The following RUVBL2 variants were observed in gnomAD, a reference collection of about 807,000 sequenced individuals.
The protein encoded by RUVBL2 is ruvB-like 2.
In RUVBL2, 9 loss-of-function variants were observed where a neutral mutation model predicts 57.9. The observed-to-expected ratio is 0.16, with a 90% CI of 0.09 to 0.27. The LOEUF (loss-of-function observed/expected upper bound fraction) is 0.27. Ranked by LOEUF, RUVBL2 falls within the 10% of genes least tolerant of loss-of-function variation. The pLI, the probability that RUVBL2 is intolerant of heterozygous loss-of-function variation, is 1.00. For synonymous variants in RUVBL2, 278 were observed against 264.6 expected (o/e 1.05, Z -0.49); for missense variants, 456 against 669.6 (o/e 0.68, Z 3.52).
chr19:49,009,917 G>C, intron 7 of RUVBL2, 35 bp downstream of exon 7: 1 of 1,613,044 alleles, frequency 6.2e-7, no homozygotes, highest in African/African-American at 1.3e-5. Flanking sequence ...GCAGCCAGGG[G>C]GATGGGCGAG....
At chr19:49,005,883 C>T (rs997756237) in intron 4 of RUVBL2, among the ~76,000 whole-genome samples, 1 of 152,150 alleles carries the variant, frequency 6.6e-6, no homozygotes, top group Non-Finnish European at 1.5e-5. Flanking sequence ...TGATCCACCC[C>T]CCTGCCTCGG....
At chr19:49,012,653 A>G (rs2039451618) in intron 11 of RUVBL2, among the ~76,000 whole-genome samples, 3 of 152,148 alleles carry the variant, frequency 2.0e-5, no homozygotes, top group Admixed American at 1.3e-4. Flanking sequence ...CCTGACACCC[A>G]CTTTCCCAGC....
intron 1 of RUVBL2, among the ~76,000 whole-genome samples, chr19:48,998,567 A>G (rs1030527686): frequency 6.6e-6 from 1 of 151,336 alleles, no homozygotes; most frequent in South Asian, 2.1e-4. Context: ...AAATTAGCCA[A>G]GTGTGGTGGT....
At chr19:49,009,658 AT>A in intron 6 of RUVBL2, 117 bp from the exon 7 acceptor site, 1 of 858,292 alleles carries the variant, frequency 1.2e-6, no homozygotes. Context: ...TGTTGTGCCC[AT>A]TTTGAAGCTG....
chr19:48,997,925 C>G (rs12610125), intron 1 of RUVBL2, among the ~76,000 whole-genome samples: 3 of 152,080 alleles, frequency 2.0e-5, no homozygotes, highest in Non-Finnish European at 4.4e-5. Context: ...ACATGGGAAG[C>G]CTCGGTATAT....
chr19:49,000,034 G>A (rs1009877409), intron 2 of RUVBL2, among the ~76,000 whole-genome samples: 7 of 152,146 alleles, frequency 4.6e-5, no homozygotes, highest in Admixed American at 2.0e-4. Flanking sequence ...AGGCAGTAAG[G>A]GCTTCTGGCT....
chr19:49,015,348 G>A (rs1478439695), intron 13 of RUVBL2, 198 bp downstream of exon 13: 1 of 742,966 alleles, frequency 1.3e-6, no homozygotes, highest in Non-Finnish European at 2.2e-6. Context: ...TTAAGTAGAT[G>A]CTGTTAGGTC....
chr19:49,005,474 G>A (rs1056235991), intron 4 of RUVBL2, among the ~76,000 whole-genome samples: 5 of 152,142 alleles, frequency 3.3e-5, no homozygotes, highest in African/African-American at 1.2e-4. Flanking sequence ...GGCATGTGGT[G>A]GCATTTGTTG....
At chr19:49,000,273 C>T (rs2039152309) in intron 2 of RUVBL2, among the ~76,000 whole-genome samples, 2 of 152,226 alleles carry the variant, frequency 1.3e-5, no homozygotes, top group African/African-American at 4.8e-5. Flanking sequence ...AGTGCTGGGG[C>T]ACTGGGTGCA....
rs2039541099 is a variant in RUVBL2 at position 49,015,889 on chromosome 19, G to A, written c.*47G>A. On this transcript the variant is annotated 3_prime_UTR_variant, in exon 15 of 15. Coordinates refer to ENST00000595090, the MANE Select transcript of RUVBL2 (RefSeq NM_006666.3). ...CCACCCTGTTTTCCACCAGAGTTCTGACACTGTGACTCTGTATAAAATGGT... is the reference window on the plus strand; with the variant it reads ...CCACCCTGTTTTCCACCAGAGTTCTAACACTGTGACTCTGTATAAAATGGT... 1 of 1,614,042 alleles carries A rather than the reference G, an allele frequency of 6.2e-7. No homozygotes were observed. Among genetic ancestry groups the A allele is most frequent in the African/African-American group, 1.3e-5 (1 of 75,034 alleles).
In RUVBL2 at chr19:48,999,449, C is replaced by T. The variant is rs1600170564; in HGVS notation, c.67+76C>T. The T allele has an allele frequency of 3.4e-6, 5 of 1,480,912 alleles. No homozygotes were observed. In the East Asian group the frequency reaches 1.1e-4, roughly 33 times the overall value. The allele number at this position is 1,480,912 out of a possible 1,614,324, so 91.7% of individuals were successfully genotyped here. Reference sequence around the variant, plus strand: ...CTGACAGAGCAAACCTATTGAGGACCCCTAAGATGGAGAGGGAGGTGGCCT... The same window carrying T: ...CTGACAGAGCAAACCTATTGAGGACTCCTAAGATGGAGAGGGAGGTGGCCT... On this transcript the variant is annotated intron_variant, in intron 2 of 14. Coordinates refer to ENST00000595090, the MANE Select transcript of RUVBL2 (RefSeq NM_006666.3).
chr19:49,012,843 CCACACACACACACACACA>C (rs58302006), intron 11 of RUVBL2, among the ~76,000 whole-genome samples: 1,615 of 141,902 alleles, frequency 0.011, 26 homozygotes, highest in African/African-American at 0.041. Context: ...TCAGTGCCCA[CCACACACACACACACACA>C]CACACACACA....
intron 11 of RUVBL2, among the ~76,000 whole-genome samples, chr19:49,013,941 C>G (rs1003982010): frequency 1.7e-4 from 26 of 152,176 alleles, no homozygotes; most frequent in Non-Finnish European, 3.2e-4. Flanking sequence ...ACCAGAAACA[C>G]ACAAATGAAA....
Position 49,014,540 on chromosome 19 carries a change from G to A in RUVBL2, c.1058G>A (p.Arg353Gln), listed in dbSNP as rs2039502754. 2 of 1,614,118 alleles carry A rather than the reference G, an allele frequency of 1.2e-6. No individual in the cohort carries two copies. Among genetic ancestry groups the A allele is most frequent in the Non-Finnish European group, 1.7e-6 (2 of 1,180,028 alleles). Residue 353 changes from arginine (R) to glutamine (Q), a missense_variant, in exon 12 of 15, where the codon CGG (arginine) becomes CAG (glutamine). Coordinates refer to ENST00000595090, the MANE Select transcript of RUVBL2 (RefSeq NM_006666.3). ...PHGIPIDLLD[R>Q]LLIVSTTPYS... ...GGCATCCCCATAGACCTGCTGGACC[G>A]GCTGCTTATCGTCTCCACCACCCCC... is the stretch of plus-strand genomic sequence containing the variant.
Position 49,010,473 on chromosome 19 carries a change from A to ACC in RUVBL2, c.664-11_664-10dup. On this transcript the variant is annotated splice_polypyrimidine_tract_variant and intron_variant, in intron 8 of 14. Transcript: ENST00000595090. ...GCCCTGTCTCCGCCGTTCTTCCCCC[A>ACC]CCCCCGCCCCATAGACCAAGTTCGT... 2 of 753,970 alleles carry ACC rather than the reference A, an allele frequency of 2.7e-6. No individual in the cohort carries two copies. Among genetic ancestry groups the ACC allele is most frequent in the Non-Finnish European group, 4.0e-6 (2 of 503,148 alleles). 46.7% of individuals were successfully genotyped at this position (753,970 alleles called of 1,614,324 possible).
At chr19:49,007,631 A>G (rs2039307743) in intron 6 of RUVBL2, among the ~76,000 whole-genome samples, 1 of 152,112 alleles carries the variant, frequency 6.6e-6, no homozygotes, top group Non-Finnish European at 1.5e-5. Flanking sequence ...TCAAAACCCA[A>G]CAGACTTCAA....
At chr19:49,004,447 C>T (rs781344855) in intron 4 of RUVBL2, 29 bp downstream of exon 4, 2 of 1,590,646 alleles carry the variant, frequency 1.3e-6, no homozygotes, top group South Asian at 1.1e-5. Flanking sequence ...CAGGAACTCT[C>T]CTGTTTCCTG....
Position 49,015,090 on chromosome 19 carries a change from G to T in RUVBL2, c.1191G>T (p.Thr397=). 1 of 1,610,110 alleles carries T rather than the reference G, an allele frequency of 6.2e-7. No homozygotes were observed. The highest frequency in any genetic ancestry group is 1.3e-5 in the African/African-American group (1 of 74,960). The change falls in exon 13 of 15, where the codon ACG becomes ACT. Residue 397 remains threonine (T), a synonymous_variant. Transcript: ENST00000595090. ...TGCTGACCCGCATCGGGCTGGAGAC[G>T]TCACTGCGCTACGCCATCCAGCTCA... The part of the protein sequence containing the change: ...YTVLTRIGLE[T]SLRYAIQLIT...
In RUVBL2 at chr19:48,998,076, C is replaced by T. The variant is rs373502526; in HGVS notation, c.13-1243C>T. 2.1e-4 allele frequency among the ~76,000 whole-genome samples: 32 copies of T among 152,342 alleles called. No individual in the cohort carries two copies. The South Asian group carries it at 6.0e-3, about 29-fold the overall frequency. ...GCAGAGAATATTGATCCATCCATCT[C>T]CCTCGGGAATGTGAGATCACACAGG... On this transcript the variant is annotated intron_variant, in intron 1 of 14. Coordinates refer to ENST00000595090, the MANE Select transcript of RUVBL2 (RefSeq NM_006666.3).
Sources: gnomAD v4.1 joint callset for allele counts (sites outside exome capture counted in the v4.1 genomes callset) on GRCh38, gnomAD v4.1.1 for gene constraint, MANE v1.5 for transcripts, NCBI Gene and HGNC (gene_info 2026-07-23, HGNC 2026-07-21) for gene names.